The following GLYR1 variants were observed in gnomAD, a reference collection of about 807,000 sequenced individuals.
GLYR1 encodes the protein glyoxylate reductase 1 homolog.
Under a neutral mutation model 72.7 loss-of-function variants are expected in GLYR1, and 21 were observed. The observed-to-expected ratio is 0.29, with a 90% CI of 0.20 to 0.42. The LOEUF (loss-of-function observed/expected upper bound fraction) is 0.42. Ranked by LOEUF, GLYR1 falls within the 10% of genes least tolerant of loss-of-function variation. The pLI is 1.00. For synonymous variants in GLYR1, 392 were observed against 270.2 expected (o/e 1.45, Z -4.42); for missense variants, 594 against 712.1 (o/e 0.83, Z 1.89).
intron 9 of GLYR1, 99 bp downstream of exon 9, chr16:4,821,281 T>C (rs1477147216): frequency 3.4e-6 from 4 of 1,179,596 alleles, no homozygotes; most frequent in African/African-American, 1.5e-5. Flanking sequence ...ATGCCAGCAA[T>C]GGCTGGGACA....
At chr16:4,824,780 C>G (rs1169812734) in intron 5 of GLYR1, among the ~76,000 whole-genome samples, 1 of 152,170 alleles carries the variant, frequency 6.6e-6, no homozygotes, top group East Asian at 1.9e-4. Flanking sequence ...AGTTTTAACA[C>G]TGGTCTGGTC....
rs977038076 is a variant in GLYR1, at chr16:4,832,166, C to T, written c.350G>A (p.Arg117Lys). 1.2e-6 allele frequency: 2 copies of T among 1,614,074 alleles called. No homozygotes were observed. The highest frequency in any genetic ancestry group is 1.7e-6 in the Non-Finnish European group (2 of 1,180,042). The change falls in exon 5 of 16, where the codon AGA becomes AAA. Residue 117 changes from arginine (R) to lysine (K), a missense_variant. Coordinates refer to ENST00000321919, the MANE Select transcript of GLYR1 (RefSeq NM_032569.4). The part of the protein sequence containing the change: ...DKNRRNSSEE[R>K]SRPNSGDEKR... ...CTCATCACCTGAGTTTGGCCTACTT[C>T]TCTCCTCACTGGAATTACGTCGATT...
chr16:4,843,533 G>C (rs988401900), intron 3 of GLYR1: 15 of 1,288,474 alleles, frequency 1.2e-5, no homozygotes, highest in Admixed American at 2.3e-5. Flanking sequence ...CCAGGCCAGC[G>C]ATCTCCTTGA....
rs142746075 is a variant in GLYR1, at chr16:4,814,058, T to G, written c.1018-220A>C. 92 of 411,132 alleles carry G rather than the reference T, an allele frequency of 2.2e-4. 1 individual carries two copies. In the East Asian group the frequency reaches 3.3e-3, roughly 15 times the overall value. 25.5% of individuals were successfully genotyped at this position (411,132 alleles called of 1,614,324 possible). On this transcript the variant is annotated intron_variant, in intron 11 of 15. Coordinates refer to ENST00000321919, the MANE Select transcript of GLYR1 (RefSeq NM_032569.4). ...ATCTATGTGAGTGTGTGCATTTCTT[T>G]TTATTTAAAAAAAAAAAAAAACAAA... is the stretch of plus-strand genomic sequence containing the variant.
At chr16:4,813,564 C>T (rs1188996050) in intron 12 of GLYR1, among the ~76,000 whole-genome samples, 173 bp downstream of exon 12, 3 of 152,228 alleles carry the variant, frequency 2.0e-5, no homozygotes, top group African/African-American at 7.2e-5. Context: ...GCTGTTCAGA[C>T]TAGCTGCGGT....
intron 7 of GLYR1, among the ~76,000 whole-genome samples, chr16:4,821,972 G>C (rs1205370610): frequency 6.6e-6 from 1 of 152,218 alleles, no homozygotes; most frequent in Non-Finnish European, 1.5e-5. Context: ...CTCTTGGAGT[G>C]AGCTTGAAGA....
chr16:4,829,152 C>T (rs2084623672), intron 5 of GLYR1, among the ~76,000 whole-genome samples: 1 of 152,054 alleles, frequency 6.6e-6, no homozygotes, highest in Admixed American at 6.6e-5. Context: ...TCTCACCACT[C>T]CCTCAGCCTG....
intron 2 of GLYR1, among the ~76,000 whole-genome samples, chr16:4,845,898 A>T (rs758262401): frequency 5.9e-5 from 9 of 152,246 alleles, no homozygotes; most frequent in Non-Finnish European, 4.4e-5. Flanking sequence ...TTTAAGCATA[A>T]AGCTAAATTC....
chr16:4,817,782 C>G, intron 9 of GLYR1, 85 bp from the exon 10 acceptor site: 1 of 840,598 alleles, frequency 1.2e-6, no homozygotes, highest in Non-Finnish European at 2.0e-6. Context: ...GGCTCGCTCC[C>G]TTATACAGCT....
chr16:4,829,563 T>C (rs2084652220), intron 5 of GLYR1, among the ~76,000 whole-genome samples: 2 of 152,086 alleles, frequency 1.3e-5, no homozygotes, highest in South Asian at 2.1e-4. Context: ...CTTGGCTCAC[T>C]GTAACCTCCA....
At chr16:4,811,985 G>A (rs2083345742) in intron 13 of GLYR1, 101 bp downstream of exon 13, 3 of 1,486,682 alleles carry the variant, frequency 2.0e-6, no homozygotes, top group African/African-American at 2.8e-5. Context: ...CCTTCCCCAG[G>A]GTCCCCGGCA....
intron 15 of GLYR1, among the ~76,000 whole-genome samples, chr16:4,808,103 G>C (rs1006840627): frequency 6.6e-6 from 1 of 152,118 alleles, no homozygotes; most frequent in East Asian, 1.9e-4. Flanking sequence ...AAGTGTGGCG[G>C]TGCATGCCTG....
chr16:4,805,071 GA>G lies in GLYR1; in HGVS notation c.*164del. 1.6e-6 allele frequency: 1 copy of G among 643,656 alleles called. No homozygotes were observed. Among genetic ancestry groups the G allele is most frequent in the Non-Finnish European group, 2.8e-6 (1 of 357,266 alleles). The allele number at this position is 643,656 out of a possible 1,614,324, so 39.9% of individuals were successfully genotyped here. A position where few individuals can be genotyped will look rare whatever the true frequency, so the allele number is the denominator to read the frequency against. On this transcript the variant is annotated 3_prime_UTR_variant, in exon 16 of 16. Coordinates refer to ENST00000321919, the MANE Select transcript of GLYR1 (RefSeq NM_032569.4). ...TGTCCCCTCCCCACCGGCCTCAGGG[GA>G]AGGGTGCTGCTGTGTGCTGTGCTGA... is the stretch of plus-strand genomic sequence containing the variant.
intron 10 of GLYR1, among the ~76,000 whole-genome samples, chr16:4,816,434 C>G (rs1253582906): frequency 1.3e-5 from 2 of 152,144 alleles, no homozygotes; most frequent in Admixed American, 1.3e-4. Flanking sequence ...TGAGCCTATT[C>G]TTAGATCTAA....
intron 4 of GLYR1, 98 bp from the exon 5 acceptor site, chr16:4,832,319 T>G: frequency 7.0e-7 from 1 of 1,427,038 alleles, no homozygotes; most frequent in South Asian, 1.3e-5. Context: ...AGGCACTCTG[T>G]GTGGTCTCCT....
chr16:4,827,312 A>G (rs76337057), intron 5 of GLYR1, among the ~76,000 whole-genome samples: 2,881 of 152,296 alleles, frequency 0.019, 36 homozygotes, highest in Non-Finnish European at 0.029. Flanking sequence ...AGACTACGGG[A>G]TGTATCGCAT....
At chr16:4,844,941 G>A (rs2085880393) in intron 3 of GLYR1, 133 bp downstream of exon 3, 1 of 662,018 alleles carries the variant, frequency 1.5e-6, no homozygotes. Context: ...AGGTATGAAG[G>A]CAGAATGAGA....
At chr16:4,839,125 A>G (rs949207432) in intron 3 of GLYR1, 2 of 152,942 alleles carry the variant, frequency 1.3e-5, no homozygotes, top group East Asian at 1.9e-4. Context: ...AGAAAGAGAA[A>G]AGGAGAAAGG....
intron 15 of GLYR1, 55 bp downstream of exon 15, chr16:4,811,115 A>AG: frequency 1.0e-5 from 16 of 1,569,344 alleles, no homozygotes; most frequent in Non-Finnish European, 1.3e-5. Flanking sequence ...AAAAAAAAAA[A>AG]AAAGAAAGAA....
Sources: gnomAD v4.1 joint callset for allele counts (sites outside exome capture counted in the v4.1 genomes callset) on GRCh38, gnomAD v4.1.1 for gene constraint, MANE v1.5 for transcripts, NCBI Gene and HGNC (gene_info 2026-07-23, HGNC 2026-07-21) for gene names.